Variants in CREB5 observed in about 807,000 individuals in gnomAD.
CREB5 encodes cAMP responsive element binding protein 5, also known as cyclic AMP-responsive element-binding protein 5.
In CREB5, 19 loss-of-function variants were observed where a neutral mutation model predicts 57.1. The ratio of observed to expected loss-of-function variants is 0.33; its 90% confidence interval spans 0.23 to 0.49. The LOEUF is 0.49. CREB5 is among the 20% of genes least tolerant of loss of function. The probability of loss-of-function intolerance (pLI) is 0.99; values close to 1 mark genes in which losing one functional copy is unlikely to be tolerated. For missense variants in CREB5, 579 were observed against 671.6 expected (o/e 0.86, Z 1.52); for synonymous variants, 238 against 238.3 (o/e 1.00, Z 0.01).
chr7:28,502,739 G>A (rs185289095), intron 3 of CREB5, among the ~76,000 whole-genome samples: 1 of 152,258 alleles, frequency 6.6e-6, no homozygotes, highest in Admixed American at 6.5e-5. Context: ...CAGACCAATA[G>A]GAAAGAAAAT....
At chr7:28,390,753 T>C (rs1191548213) in intron 1 of CREB5, among the ~76,000 whole-genome samples, 1 of 152,170 alleles carries the variant, frequency 6.6e-6, no homozygotes, top group African/African-American at 2.4e-5. Flanking sequence ...ACAATTTACA[T>C]GCCAGGAGCC....
intron 1 of CREB5, among the ~76,000 whole-genome samples, chr7:28,382,458 G>A (rs750075598): frequency 6.6e-6 from 1 of 152,108 alleles, no homozygotes; most frequent in Non-Finnish European, 1.5e-5. Context: ...TGCTTTACCA[G>A]CTATCTGAGT....
At chr7:28,468,049 A>G (rs1275434604) in intron 1 of CREB5, among the ~76,000 whole-genome samples, 1 of 152,196 alleles carries the variant, frequency 6.6e-6, no homozygotes, top group Non-Finnish European at 1.5e-5. Context: ...GCGTGGGTAC[A>G]GTGTGAGTTG....
intron 5 of CREB5, among the ~76,000 whole-genome samples, chr7:28,637,825 T>C (rs571967281): frequency 6.6e-6 from 1 of 152,348 alleles, no homozygotes; most frequent in African/African-American, 2.4e-5. Flanking sequence ...AATGCATTTA[T>C]AGTTGTTATT....
intron 5 of CREB5, among the ~76,000 whole-genome samples, chr7:28,705,519 T>C (rs1042785256): frequency 3.9e-5 from 6 of 152,220 alleles, no homozygotes; most frequent in African/African-American, 1.4e-4. Context: ...TTTCTATTTA[T>C]ACTAGGGACT....
chr7:28,515,867 AT>A (rs60678001), intron 4 of CREB5, among the ~76,000 whole-genome samples: 39,330 of 104,946 alleles, frequency 0.37, 5,290 homozygotes, highest in South Asian at 0.48. Context: ...AATTGAATGC[AT>A]TTAAAAAAAA....
chr7:28,505,261 C>T (rs1314861583), intron 3 of CREB5, among the ~76,000 whole-genome samples: 1 of 152,198 alleles, frequency 6.6e-6, no homozygotes, highest in Non-Finnish European at 1.5e-5. Flanking sequence ...CTTTTACTTT[C>T]ACTCTCAGAT....
chr7:28,456,731 T>C (rs1283170129), intron 1 of CREB5, among the ~76,000 whole-genome samples: 1 of 152,258 alleles, frequency 6.6e-6, no homozygotes, highest in African/African-American at 2.4e-5. Flanking sequence ...AGGTCTTCCT[T>C]AAATATGGGT....
At chr7:28,594,331 A>G (rs1222628108) in intron 5 of CREB5, among the ~76,000 whole-genome samples, 1 of 152,238 alleles carries the variant, frequency 6.6e-6, no homozygotes, top group Non-Finnish European at 1.5e-5. Context: ...TTCAAACACT[A>G]GATGAATATG....
chr7:28,559,665 G>A (rs1244151121), intron 4 of CREB5, among the ~76,000 whole-genome samples: 1 of 152,206 alleles, frequency 6.6e-6, no homozygotes, highest in African/African-American at 2.4e-5. Context: ...CCACGTGCCT[G>A]ACTTAGACAA....
intron 1 of CREB5, among the ~76,000 whole-genome samples, chr7:28,360,391 A>T (rs1250165132): frequency 2.0e-5 from 3 of 152,216 alleles, no homozygotes; most frequent in African/African-American, 7.2e-5. Context: ...CAGCCTTTAA[A>T]AAGAAATTCT....
intron 3 of CREB5, among the ~76,000 whole-genome samples, chr7:28,500,331 A>G (rs1356655904): frequency 1.3e-5 from 2 of 152,108 alleles, no homozygotes; most frequent in African/African-American, 4.8e-5. Flanking sequence ...TGACCGCTGG[A>G]TGTGGTGGGA....
At chr7:28,778,925 G>A (rs978233885) in intron 7 of CREB5, 9 of 152,148 alleles carry the variant, frequency 5.9e-5, no homozygotes, top group African/African-American at 2.2e-4. Flanking sequence ...CTAAACTGAG[G>A]AAATGGATTG....
chr7:28,415,934 G>A (rs1267620219), intron 1 of CREB5, among the ~76,000 whole-genome samples: 1 of 152,200 alleles, frequency 6.6e-6, no homozygotes, highest in Non-Finnish European at 1.5e-5. Flanking sequence ...GTTTGGAGGT[G>A]ACGAGAAGTG....
In CREB5 at chr7:28,805,296, A is replaced by C. The variant is rs116133882; in HGVS notation, c.1026+774A>C. Among the ~76,000 whole-genome samples the C allele has an allele frequency of 3.8e-3, 581 of 152,232 alleles. 2 individuals are homozygous for C. The highest frequency in any genetic ancestry group is 0.013 in the African/African-American group (545 of 41,542). ...AGACATTATGTCACCCACGGCCAAG[A>C]AGAGAGGCGAGTCCTGTACTGGAGT... On this transcript the variant is annotated intron_variant, in intron 8 of 10. Coordinates refer to ENST00000357727, the MANE Select transcript of CREB5 (RefSeq NM_182898.4).
intron 5 of CREB5, among the ~76,000 whole-genome samples, chr7:28,711,752 G>T (rs1802409201): frequency 6.6e-6 from 1 of 152,206 alleles, no homozygotes. Flanking sequence ...CTGTAGAAGG[G>T]TTTGGAAATC....
intron 7 of CREB5, among the ~76,000 whole-genome samples, chr7:28,777,717 T>C (rs1806742243): frequency 2.0e-5 from 3 of 152,338 alleles, no homozygotes; most frequent in Non-Finnish European, 4.4e-5. Context: ...ATATAAATGT[T>C]CACAATATTT....
chr7:28,595,663 G>A (rs1367712249), intron 5 of CREB5, among the ~76,000 whole-genome samples: 1 of 152,126 alleles, frequency 6.6e-6, no homozygotes. Context: ...ACTTCTCAAC[G>A]CTTCTCACCA....
At chr7:28,325,197 C>T (rs1294395735) in intron 1 of CREB5, among the ~76,000 whole-genome samples, 2 of 152,224 alleles carry the variant, frequency 1.3e-5, no homozygotes, top group Admixed American at 6.5e-5. Flanking sequence ...TGGCTCACGC[C>T]TATAATCCCA....
Sources: allele counts gnomAD v4.1 joint callset (sites outside exome capture counted in the v4.1 genomes callset), GRCh38; gene constraint gnomAD v4.1.1; transcripts MANE v1.5; gene names NCBI Gene and HGNC (gene_info 2026-07-23, HGNC 2026-07-21).